Variants in FRAS1 observed in about 807,000 individuals in gnomAD.
The protein encoded by FRAS1 is Fraser extracellular matrix complex subunit 1, also known as extracellular matrix organizing protein FRAS1.
In FRAS1, 290 loss-of-function variants were observed where a neutral mutation model predicts 435.2. The observed-to-expected ratio is 0.67, with a 90% CI of 0.61 to 0.73. The LOEUF is 0.73. Ranked by LOEUF, FRAS1 falls within the 30% of genes least tolerant of loss-of-function variation. The pLI is 0.00. For missense variants in FRAS1, 4,860 were observed against 5,001.5 expected (o/e 0.97, Z 0.85); for synonymous variants, 1,800 against 1,851.0 (o/e 0.97, Z 0.71).
intron 20 of FRAS1, among the ~76,000 whole-genome samples, chr4:78,355,828 G>A (rs1400014066): frequency 1.3e-5 from 2 of 152,152 alleles, no homozygotes; most frequent in African/African-American, 4.8e-5. Context: ...ATTCACCCTG[G>A]AATTTGTTGG....
At chr4:78,249,064 C>CATATATATATAT (rs200267733) in intron 4 of FRAS1, among the ~76,000 whole-genome samples, 508 of 16,582 alleles carry the variant, frequency 0.031, 83 homozygotes, top group South Asian at 0.19. Context: ...TATATATATG[C>CATATATATATAT]ATATATATAT....
At chr4:78,508,144 T>G (rs1720900545) in intron 62 of FRAS1, among the ~76,000 whole-genome samples, 1 of 152,086 alleles carries the variant, frequency 6.6e-6, no homozygotes, top group Middle Eastern at 3.2e-3. Context: ...TAACTTGGGG[T>G]GAATAGAATG....
At chr4:78,089,617 T>G (rs180835702) in intron 2 of FRAS1, among the ~76,000 whole-genome samples, 2 of 151,108 alleles carry the variant, frequency 1.3e-5, no homozygotes, top group Admixed American at 1.3e-4. Flanking sequence ...CCAGGTCCCT[T>G]TGACTTCTCA....
intron 25 of FRAS1, among the ~76,000 whole-genome samples, chr4:78,374,960 A>C (rs2110312275): frequency 6.6e-6 from 1 of 152,294 alleles, no homozygotes; most frequent in East Asian, 1.9e-4. Flanking sequence ...AAAATAAGAG[A>C]CTTAAAAGTG....
chr4:78,337,865 G>A (rs769071860), intron 20 of FRAS1, 48 bp downstream of exon 20: 6 of 1,605,534 alleles, frequency 3.7e-6, no homozygotes, highest in South Asian at 2.2e-5. Context: ...GGCAGCTGCC[G>A]GGGCTCTTCA....
chr4:78,339,640 C>T (rs904028595), intron 20 of FRAS1, among the ~76,000 whole-genome samples: 1 of 152,146 alleles, frequency 6.6e-6, no homozygotes, highest in African/African-American at 2.4e-5. Context: ...AGGTATAGCA[C>T]GTGGGCCATT....
At chr4:78,503,600 C>T (rs1720744520) in intron 61 of FRAS1, among the ~76,000 whole-genome samples, 1 of 152,120 alleles carries the variant, frequency 6.6e-6, no homozygotes, top group Non-Finnish European at 1.5e-5. Flanking sequence ...TGATTCTCCT[C>T]TCATTTCTTC....
At chr4:78,290,461 C>CT (rs34589369) in intron 14 of FRAS1, among the ~76,000 whole-genome samples, 256 of 145,204 alleles carry the variant, frequency 1.8e-3, no homozygotes, top group Middle Eastern at 3.5e-3. Context: ...TTCTTTCTTT[C>CT]TTTTTTTTTT....
At chr4:78,420,978 A>G (rs932558915) in intron 33 of FRAS1, among the ~76,000 whole-genome samples, 2 of 147,902 alleles carry the variant, frequency 1.4e-5, no homozygotes. Context: ...GTCCCACAAT[A>G]GGCCATCTGC....
intron 6 of FRAS1, among the ~76,000 whole-genome samples, chr4:78,261,574 G>A (rs1726108326): frequency 6.6e-6 from 1 of 152,124 alleles, no homozygotes; most frequent in Non-Finnish European, 1.5e-5. Flanking sequence ...TTTCCCTAAA[G>A]CAGGTTTTAA....
intron 61 of FRAS1, among the ~76,000 whole-genome samples, chr4:78,504,935 C>T (rs1055631753): frequency 6.6e-6 from 1 of 152,200 alleles, no homozygotes; most frequent in East Asian, 1.9e-4. Flanking sequence ...GACAAAATCT[C>T]TCAGCATTTG....
At chr4:78,296,225 G>C (rs962487589) in intron 14 of FRAS1, among the ~76,000 whole-genome samples, 2 of 151,440 alleles carry the variant, frequency 1.3e-5, no homozygotes, top group African/African-American at 4.9e-5. Flanking sequence ...TCCAGCTTTT[G>C]ATGATGCTGA....
chr4:78,262,674 A>G (rs1726167220), intron 6 of FRAS1, among the ~76,000 whole-genome samples: 1 of 152,206 alleles, frequency 6.6e-6, no homozygotes. Flanking sequence ...GCTTTCATCC[A>G]TAATACACTA....
chr4:78,438,109 A>T (rs1260164777), intron 38 of FRAS1, among the ~76,000 whole-genome samples: 1 of 152,134 alleles, frequency 6.6e-6, no homozygotes, highest in African/African-American at 2.4e-5. Context: ...ATGGAATTTT[A>T]TTATCGTATT....
At chr4:78,181,720 A>G (rs934121897) in intron 2 of FRAS1, 74 of 1,610,008 alleles carry the variant, frequency 4.6e-5, no homozygotes, top group Non-Finnish European at 5.4e-5. Context: ...GTCTTCTTCC[A>G]ACTCGTCTTA....
intron 2 of FRAS1, chr4:78,181,834 G>A: frequency 6.2e-7 from 1 of 1,612,072 alleles, no homozygotes; most frequent in Non-Finnish European, 8.5e-7. Flanking sequence ...GGGACTCCTT[G>A]CGCAGCTGTT....
chr4:78,506,514 G>A (rs772271562), intron 61 of FRAS1, among the ~76,000 whole-genome samples: 9 of 149,350 alleles, frequency 6.0e-5, no homozygotes, highest in South Asian at 2.2e-4. Flanking sequence ...AGGCTGCTGC[G>A]CTAGCAGCGA....
chr4:78,267,061 GAT>G, intron 8 of FRAS1, 126 bp downstream of exon 8: 1 of 903,046 alleles, frequency 1.1e-6, no homozygotes, highest in South Asian at 1.6e-5. Context: ...GTTACATAAA[GAT>G]ATGAAGGCTC....
At chr4:78,260,335 G>A (rs980675311) in intron 6 of FRAS1, among the ~76,000 whole-genome samples, 30 of 152,172 alleles carry the variant, frequency 2.0e-4, no homozygotes, top group South Asian at 1.2e-3. Context: ...CTACCCATGA[G>A]CATGGAATGT....
Sources: gnomAD v4.1 joint callset for allele counts (sites outside exome capture counted in the v4.1 genomes callset) on GRCh38, gnomAD v4.1.1 for gene constraint, MANE v1.5 for transcripts, NCBI Gene and HGNC (gene_info 2026-07-23, HGNC 2026-07-21) for gene names.